Variants in GSAP observed in about 807,000 individuals in gnomAD.
GSAP encodes the protein gamma-secretase-activating protein.
GSAP carries 118 observed loss-of-function variants against 131.7 expected under a neutral mutation model. The ratio of observed to expected loss-of-function variants is 0.90; its 90% CI spans 0.77 to 1.04. The LOEUF (loss-of-function observed/expected upper bound fraction) is 1.04, where lower values mean the gene tolerates loss of function less well. Among genes scored for constraint, GSAP ranks in the 50% least tolerant of loss-of-function variants. The pLI is 0.00. For synonymous variants in GSAP, 381 were observed against 363.4 expected (o/e 1.05, Z -0.55); for missense variants, 1,019 against 1,013.2 (o/e 1.01, Z -0.08).
chr7:77,362,548 T>C (rs1268599150), intron 13 of GSAP, 35 bp downstream of exon 13: 1 of 1,118,556 alleles, frequency 8.9e-7, no homozygotes, highest in Non-Finnish European at 1.4e-6. Context: ...GAAAAAGTTA[T>C]TATGTAAAAG....
At chr7:77,373,940 A>C in intron 12 of GSAP, 130 bp downstream of exon 12, 1 of 662,272 alleles carries the variant, frequency 1.5e-6, no homozygotes, top group East Asian at 2.7e-5. Flanking sequence ...ATACATGACA[A>C]TCCATATGAT....
chr7:77,313,545 C>T lies in GSAP; in HGVS notation c.2214G>A (p.Leu738=), dbSNP rs750334280. 6.7e-6 allele frequency: 10 copies of T among 1,501,324 alleles called. No homozygotes were observed. Among genetic ancestry groups the T allele is most frequent in the Non-Finnish European group, 9.2e-6 (10 of 1,081,192 alleles). 93.0% of individuals were successfully genotyped at this position (1,501,324 alleles called of 1,614,324 possible). ...ETAVIRLMKD[L]DNTEKNEKLK... ...GTTTTTCATTTTTCTCTGTATTATC[C>T]AGATCTACAAGAAAGTTAGAGATTA... The change falls in exon 28 of 31, where the codon CTG becomes CTA. Residue 738 remains leucine (L), a synonymous_variant. Transcript: ENST00000257626.
chr7:77,385,851 G>T (rs1028821725), intron 6 of GSAP, among the ~76,000 whole-genome samples: 1 of 152,210 alleles, frequency 6.6e-6, no homozygotes, highest in Non-Finnish European at 1.5e-5. Flanking sequence ...GGACAAAAAG[G>T]CAGATACTTT....
At chr7:77,321,528 C>G in intron 24 of GSAP, 125 bp from the exon 25 acceptor site, 2 of 668,660 alleles carry the variant, frequency 3.0e-6, no homozygotes, top group Middle Eastern at 2.9e-4. Flanking sequence ...TCCAGACACA[C>G]AACTAGCCTT....
At chr7:77,413,862 TTTC>T (rs1032482985) in intron 1 of GSAP, among the ~76,000 whole-genome samples, 7 of 151,970 alleles carry the variant, frequency 4.6e-5, no homozygotes, top group African/African-American at 1.5e-4. Flanking sequence ...CGGTGGTTTT[TTTC>T]TTTCTTTTAT....
At chr7:77,330,126 G>A in intron 20 of GSAP, 113 bp downstream of exon 20, 2 of 1,232,654 alleles carry the variant, frequency 1.6e-6, no homozygotes, top group South Asian at 1.7e-5. Flanking sequence ...TCAAGTCCCT[G>A]GCAATTGGGA....
intron 1 of GSAP, 47 bp downstream of exon 1, chr7:77,416,166 A>C (rs1804412024): frequency 1.3e-5 from 14 of 1,081,262 alleles, no homozygotes; most frequent in South Asian, 1.8e-5. Context: ...GGTATGAGGG[A>C]CTCCCACTCC....
At chr7:77,405,632 G>A (rs1198518494) in intron 2 of GSAP, among the ~76,000 whole-genome samples, 1 of 152,158 alleles carries the variant, frequency 6.6e-6, no homozygotes, top group Non-Finnish European at 1.5e-5. Flanking sequence ...CCTCCTCCTG[G>A]GTTCAAGCGA....
chr7:77,345,350 T>C (rs924209006), intron 19 of GSAP, among the ~76,000 whole-genome samples: 1 of 152,160 alleles, frequency 6.6e-6, no homozygotes, highest in African/African-American at 2.4e-5. Context: ...CTGAGAAACA[T>C]TGCCCATTAT....
intron 1 of GSAP, among the ~76,000 whole-genome samples, chr7:77,407,578 ATTCTT>A (rs1802508479): frequency 6.6e-6 from 1 of 152,128 alleles, no homozygotes; most frequent in Non-Finnish European, 1.5e-5. Context: ...TGTTTTTGCT[ATTCTT>A]TTATTAGTTA....
In GSAP at chr7:77,355,611, A is replaced by T; in HGVS notation, c.1064T>A (p.Phe355Tyr). ...TGGATGTTGAACATTAAGTAGGTGGAAGAAATGACCAGGTAAGTAAACAGC... is the reference window on the plus strand; with the variant it reads ...TGGATGTTGAACATTAAGTAGGTGGTAGAAATGACCAGGTAAGTAAACAGC... Reference protein sequence around the residue: ...YVAVYLPGHFFHLLNVQHPDL... With the variant: ...YVAVYLPGHFYHLLNVQHPDL... The change falls in exon 15 of 31, where the codon TTC becomes TAC. Residue 355 changes from phenylalanine (F) to tyrosine (Y), a missense_variant. By Grantham distance (22) the Phe-to-Tyr change is conservative. Coordinates refer to ENST00000257626, the MANE Select transcript of GSAP (RefSeq NM_017439.4). 1 of 1,607,516 alleles carries T rather than the reference A, an allele frequency of 6.2e-7. No homozygotes were observed. Among genetic ancestry groups the T allele is most frequent in the Non-Finnish European group, 8.5e-7 (1 of 1,173,984 alleles).
intron 18 of GSAP, chr7:77,351,838 G>A (rs1792906644): frequency 2.2e-6 from 1 of 458,634 alleles, no homozygotes; most frequent in African/African-American, 2.1e-5. Context: ...CATAACAGCA[G>A]GGGGTTGGTA....
chr7:77,355,564 A>G lies in GSAP; in HGVS notation c.1111T>C (p.Phe371Leu). Reference sequence around the variant, plus strand: ...AAAACTATAGCCGTACCTGTCAGAAAGAGATTGTGGCAGATCAGGTCTGGA... The same window carrying G: ...AAAACTATAGCCGTACCTGTCAGAAGGAGATTGTGGCAGATCAGGTCTGGA... ...QHPDLICHNLFLTGNNEMIDM... is the reference protein window; with the variant it reads ...QHPDLICHNLLLTGNNEMIDM... Residue 371 changes from phenylalanine to leucine, a missense_variant, in exon 15 of 31, where the codon TTT (phenylalanine) becomes CTT (leucine). Transcript: ENST00000257626. The G allele has an allele frequency of 1.9e-6, 3 of 1,608,244 alleles. No individual in the cohort carries two copies. Among genetic ancestry groups the G allele is most frequent in the Non-Finnish European group, 2.6e-6 (3 of 1,174,786 alleles).
chr7:77,416,518 G>A (rs1804500900), upstream of GSAP: 1 of 402,606 alleles, frequency 2.5e-6, no homozygotes. Context: ...CCGCACCTGA[G>A]CCGGAGCCGG....
chr7:77,395,397 G>A (rs1800202822), intron 5 of GSAP, among the ~76,000 whole-genome samples: 1 of 152,070 alleles, frequency 6.6e-6, no homozygotes, highest in Non-Finnish European at 1.5e-5. Flanking sequence ...CTGGGGTTTT[G>A]CCCATACCCT....
At chr7:77,337,248 G>A (rs1366678924) in intron 19 of GSAP, among the ~76,000 whole-genome samples, 2 of 125,246 alleles carry the variant, frequency 1.6e-5, no homozygotes, top group Non-Finnish European at 3.2e-5. Flanking sequence ...CACCTCCCAG[G>A]TTCAAGGGAT....
intron 21 of GSAP, among the ~76,000 whole-genome samples, chr7:77,329,074 T>C (rs1169658505): frequency 2.6e-5 from 4 of 152,192 alleles, no homozygotes; most frequent in Admixed American, 2.0e-4. Context: ...ATAGGAAATT[T>C]CTTTACCAAT....
At chr7:77,368,295 C>T (rs1298494903) in intron 12 of GSAP, among the ~76,000 whole-genome samples, 3 of 152,178 alleles carry the variant, frequency 2.0e-5, no homozygotes, top group Admixed American at 2.0e-4. Context: ...TGCATTTACT[C>T]GCCCCTTCCC....
chr7:77,322,466 C>T (rs1005762685), intron 24 of GSAP, among the ~76,000 whole-genome samples: 1 of 151,464 alleles, frequency 6.6e-6, no homozygotes, highest in Non-Finnish European at 1.5e-5. Context: ...ATGTTATTAA[C>T]AATGGAGAAA....
Sources: gnomAD v4.1 joint callset for allele counts (sites outside exome capture counted in the v4.1 genomes callset) on GRCh38, gnomAD v4.1.1 for gene constraint, MANE v1.5 for transcripts, NCBI Gene and HGNC (gene_info 2026-07-23, HGNC 2026-07-21) for gene names.